AK4: variants seen among roughly 807,000 people sequenced by gnomAD.
AK4 encodes adenylate kinase 4.
AK4 carries 13 observed loss-of-function variants against 24.6 expected under a neutral mutation model. The ratio of observed to expected loss-of-function variants is 0.53; its 90% CI spans 0.34 to 0.84. AK4 has a LOEUF of 0.84. Among genes scored for constraint, AK4 ranks in the 40% least tolerant of loss-of-function variants. The pLI, the probability that AK4 is intolerant of heterozygous loss-of-function variation, is 0.01. For synonymous variants in AK4, 88 were observed against 107.0 expected (o/e 0.82, Z 1.10); for missense variants, 192 against 288.2 (o/e 0.67, Z 2.42).
rs1652616675 is a variant in AK4, at chr1:65,230,748, T to C, written c.*4571T>C. The C allele has an allele frequency of 6.6e-6, 1 of 152,172 alleles. No homozygotes were observed. The highest frequency in any genetic ancestry group is 1.5e-5 in the Non-Finnish European group (1 of 68,046). 9.4% of individuals were successfully genotyped at this position (152,172 alleles called of 1,614,324 possible). A position where few individuals can be genotyped will look rare whatever the true frequency, so the allele number is the denominator to read the frequency against. ...TATTTGCTTCAGCCTGGAATCTGTT[T>C]TTGGTGCTTTGGTGCAGAGACAGGA... On this transcript the variant is annotated 3_prime_UTR_variant, in exon 5 of 5. Coordinates refer to ENST00000327299, the MANE Select transcript of AK4 (RefSeq NM_013410.4).
chr1:65,168,511 T>G (rs1650407383), intron 1 of AK4, among the ~76,000 whole-genome samples: 1 of 152,130 alleles, frequency 6.6e-6, no homozygotes, highest in African/African-American at 2.4e-5. Flanking sequence ...AGGTGGGTCT[T>G]GAACTCCTGG....
intron 1 of AK4, among the ~76,000 whole-genome samples, chr1:65,164,877 T>C (rs1474804688): frequency 6.6e-6 from 1 of 152,206 alleles, no homozygotes; most frequent in Non-Finnish European, 1.5e-5. Context: ...ACATTTTGAA[T>C]AGATCACTCA....
At chr1:65,175,853 CA>C (rs1466743067) in intron 1 of AK4, among the ~76,000 whole-genome samples, 1 of 152,174 alleles carries the variant, frequency 6.6e-6, no homozygotes, top group South Asian at 2.1e-4. Flanking sequence ...CTCCCTTGCC[CA>C]ACTTCTGTTG....
At chr1:65,179,172 A>T (rs1035231031) in intron 1 of AK4, among the ~76,000 whole-genome samples, 1 of 152,226 alleles carries the variant, frequency 6.6e-6, no homozygotes, top group Non-Finnish European at 1.5e-5. Flanking sequence ...TACAGTACCT[A>T]AAGGAAGCAC....
At chr1:65,219,001 G>T in intron 3 of AK4, 75 bp downstream of exon 3, 1 of 1,199,290 alleles carries the variant, frequency 8.3e-7, no homozygotes, top group Non-Finnish European at 1.2e-6. Flanking sequence ...TGGAGAAAAG[G>T]ATATGAGTAG....
At chr1:65,175,902 A>G (rs1379669622) in intron 1 of AK4, among the ~76,000 whole-genome samples, 1 of 152,220 alleles carries the variant, frequency 6.6e-6, no homozygotes. Context: ...CGCTGCTTAT[A>G]TAAAGCCGCG....
chr1:65,201,712 G>A (rs72677698), intron 2 of AK4, among the ~76,000 whole-genome samples: 2,415 of 152,262 alleles, frequency 0.016, 34 homozygotes, highest in Non-Finnish European at 0.026. Context: ...CGCAGAGAGG[G>A]AAGTAACTGA....
intron 1 of AK4, chr1:65,148,866 T>A: frequency 4.1e-6 from 1 of 245,788 alleles, no homozygotes; most frequent in Admixed American, 5.7e-5. Context: ...AGCTTCCGTC[T>A]CACGCTGCCC....
intron 1 of AK4, among the ~76,000 whole-genome samples, chr1:65,156,826 A>G (rs1649999462): frequency 6.6e-6 from 1 of 150,674 alleles, no homozygotes; most frequent in African/African-American, 2.4e-5. Context: ...GGAGGCTGAG[A>G]TTTACTTGAG....
intron 1 of AK4, among the ~76,000 whole-genome samples, chr1:65,165,397 G>T (rs1022655891): frequency 6.6e-6 from 1 of 152,044 alleles, no homozygotes; most frequent in Non-Finnish European, 1.5e-5. Flanking sequence ...AGGGAACTTT[G>T]TGAGGTGAGA....
intron 1 of AK4, among the ~76,000 whole-genome samples, chr1:65,179,045 G>A (rs1445485970): frequency 1.3e-5 from 2 of 152,176 alleles, no homozygotes; most frequent in South Asian, 2.1e-4. Context: ...GATTGGGGGA[G>A]GGAGAGGGTC....
rs146669391 is a variant in AK4 at position 65,215,264 on chromosome 1, C to T, written c.266-3490C>T. ...TCTACTCACTGCAATCTCCGCCTCC[C>T]GGGTTTCATTGATTCTCCTGCCTTA... On this transcript the variant is annotated intron_variant, in intron 2 of 4. Transcript: ENST00000327299. Among the ~76,000 whole-genome samples, 782 of 151,928 alleles carry T rather than the reference C, an allele frequency of 5.1e-3. 8 individuals are homozygous for T. The highest frequency in any genetic ancestry group is 0.018 in the African/African-American group (747 of 41,420).
At chr1:65,216,021 T>G (rs1353807285) in intron 2 of AK4, among the ~76,000 whole-genome samples, 1 of 152,204 alleles carries the variant, frequency 6.6e-6, no homozygotes, top group Non-Finnish European at 1.5e-5. Flanking sequence ...AGAAGAGGGA[T>G]CTCTAAAATT....
chr1:65,154,219 T>C (rs1649895911), intron 1 of AK4, among the ~76,000 whole-genome samples: 1 of 152,056 alleles, frequency 6.6e-6, no homozygotes, highest in African/African-American at 2.4e-5. Context: ...GGGATATATA[T>C]GAAGGCAGAG....
chr1:65,225,646 A>G (rs1023566208), intron 4 of AK4, among the ~76,000 whole-genome samples: 1 of 152,172 alleles, frequency 6.6e-6, no homozygotes, highest in Non-Finnish European at 1.5e-5. Flanking sequence ...GTCCCCCCCA[A>G]AATTTAGCAA....
rs375590772 is a variant in AK4, at chr1:65,163,157, C to T, written c.145+14605C>T. 3.8e-4 allele frequency among the ~76,000 whole-genome samples: 58 copies of T among 152,252 alleles called. 1 individual carries two copies. Among genetic ancestry groups the T allele is most frequent in the African/African-American group, 1.1e-3 (47 of 41,530 alleles). On this transcript the variant is annotated intron_variant, in intron 1 of 4. Coordinates refer to ENST00000327299, the MANE Select transcript of AK4 (RefSeq NM_013410.4). ...AGCAATACAGGTTCATTTGGTAACTCGACGTTTAATAGTTTGTGGAAGTGC... is the reference window on the plus strand; with the variant it reads ...AGCAATACAGGTTCATTTGGTAACTTGACGTTTAATAGTTTGTGGAAGTGC...
At chr1:65,194,056 A>G (rs868607782) in intron 2 of AK4, among the ~76,000 whole-genome samples, 31 of 152,180 alleles carry the variant, frequency 2.0e-4, no homozygotes, top group African/African-American at 5.8e-4. Flanking sequence ...ACACCATTGC[A>G]CTCCAGCCTG....
In AK4 at chr1:65,178,058, A is replaced by G. The variant is rs527387472; in HGVS notation, c.146-12652A>G. Among the ~76,000 whole-genome samples, 337 of 152,232 alleles carry G rather than the reference A, an allele frequency of 2.2e-3. 2 individuals carry two copies. Among genetic ancestry groups the G allele is most frequent in the Non-Finnish European group, 3.5e-3 (236 of 68,014 alleles). ...GGGTGAACGATACAAAAAGTAAGGT[A>G]TGGTAAAGGGTGTAATGAGAAGTTC... On this transcript the variant is annotated intron_variant, in intron 1 of 4. Coordinates refer to ENST00000327299, the MANE Select transcript of AK4 (RefSeq NM_013410.4).
chr1:65,176,260 T>C (rs1353986211), intron 1 of AK4, among the ~76,000 whole-genome samples: 1 of 152,154 alleles, frequency 6.6e-6, no homozygotes, highest in African/African-American at 2.4e-5. Context: ...TGCATCTTTT[T>C]ATCTTGGCTA....
Sources: gnomAD v4.1 joint callset for allele counts (sites outside exome capture counted in the v4.1 genomes callset) on GRCh38, gnomAD v4.1.1 for gene constraint, MANE v1.5 for transcripts, NCBI Gene and HGNC (gene_info 2026-07-23, HGNC 2026-07-21) for gene names.